Variants in FAM135B observed in about 807,000 individuals in gnomAD.
FAM135B encodes protein FAM135B.
In FAM135B, 43 loss-of-function variants were observed where a neutral mutation model predicts 127.7. The observed-to-expected ratio is 0.34, with a 90% CI of 0.26 to 0.43. The LOEUF (loss-of-function observed/expected upper bound fraction) is 0.43, where lower values mean the gene tolerates loss of function less well. Among genes scored for constraint, FAM135B ranks in the 20% least tolerant of loss-of-function variants. FAM135B has a pLI of 1.00. For synonymous variants in FAM135B, 670 were observed against 665.1 expected, an observed-to-expected ratio of 1.01 and a Z score of -0.11; for missense variants, 1,558 against 1,725.6, an observed-to-expected ratio of 0.90 and a Z score of 1.72.
At chr8:138,425,978 T>C (rs930903407) in intron 1 of FAM135B, among the ~76,000 whole-genome samples, 3 of 9,622 alleles carry the variant, frequency 3.1e-4, no homozygotes, top group African/African-American at 2.5e-3. Context: ...TATATATATA[T>C]ATATATATAT....
intron 4 of FAM135B, among the ~76,000 whole-genome samples, chr8:138,257,598 C>A (rs745643894): frequency 6.6e-6 from 1 of 152,042 alleles, no homozygotes; most frequent in Non-Finnish European, 1.5e-5. Context: ...GTTCTGCACA[C>A]CTGTGATAGG....
intron 18 of FAM135B, among the ~76,000 whole-genome samples, chr8:138,138,697 T>C (rs1308087195): frequency 6.6e-6 from 1 of 152,224 alleles, no homozygotes; most frequent in Non-Finnish European, 1.5e-5. Context: ...GCCTATGCAA[T>C]GAGAACATTG....
At chr8:138,291,346 T>G (rs1294287240) in intron 3 of FAM135B, among the ~76,000 whole-genome samples, 1 of 152,168 alleles carries the variant, frequency 6.6e-6, no homozygotes, top group Non-Finnish European at 1.5e-5. Flanking sequence ...AGGCATAAAA[T>G]GACCATCACA....
intron 7 of FAM135B, among the ~76,000 whole-genome samples, chr8:138,202,991 G>A (rs12543987): frequency 0.51 from 77,878 of 152,048 alleles, 19,993 homozygotes; most frequent in South Asian, 0.54. Context: ...CATAGGAAGT[G>A]CCAGTTTCCT....
chr8:138,260,710 C>T (rs1253097582), intron 4 of FAM135B, among the ~76,000 whole-genome samples: 1 of 152,152 alleles, frequency 6.6e-6, no homozygotes, highest in African/African-American at 2.4e-5. Context: ...TTTCCATTTA[C>T]ACAGTTACGA....
intron 5 of FAM135B, among the ~76,000 whole-genome samples, chr8:138,256,098 A>T (rs1370217270): frequency 6.6e-6 from 1 of 151,970 alleles, no homozygotes; most frequent in Non-Finnish European, 1.5e-5. Context: ...CTAAAAAAGG[A>T]TGACTTACTT....
chr8:138,469,201 CAGAA>C (rs992345240), intron 1 of FAM135B, among the ~76,000 whole-genome samples: 2 of 150,136 alleles, frequency 1.3e-5, no homozygotes, highest in African/African-American at 4.9e-5. Flanking sequence ...TTTAAAGTTT[CAGAA>C]AGAAAGGAAA....
intron 1 of FAM135B, among the ~76,000 whole-genome samples, chr8:138,399,885 C>A (rs1297335110): frequency 6.6e-6 from 1 of 152,150 alleles, no homozygotes. Context: ...TATGGAAATA[C>A]AACAAAAGCC....
At chr8:138,462,971 T>C (rs534840518) in intron 1 of FAM135B, among the ~76,000 whole-genome samples, 2 of 152,294 alleles carry the variant, frequency 1.3e-5, no homozygotes, top group South Asian at 4.1e-4. Context: ...GCTATTTACA[T>C]TACATTTTCA....
rs1818046881 is a variant in FAM135B, at chr8:138,210,397, T to G, written c.670-12728A>C. On this transcript the variant is annotated intron_variant, in intron 7 of 19. Coordinates refer to ENST00000395297, the MANE Select transcript of FAM135B (RefSeq NM_015912.4). ...CTTGATGGGTGTATTAGTTCGTTCT[T>G]GCATTGCTATAACAAACTCCCTGAG... Among the ~76,000 whole-genome samples, 3 of 152,148 alleles carry G rather than the reference T, an allele frequency of 2.0e-5. No individual in the cohort carries two copies. In the South Asian group the frequency reaches 6.2e-4, roughly 32 times the overall value.
At position 138,152,830 on chromosome 8, in the gene FAM135B, G is replaced by T. The variant is rs777072201; in HGVS notation, c.1645C>A (p.Pro549Thr). 6.2e-7 allele frequency: 1 copy of T among 1,614,124 alleles called. No individual in the cohort carries two copies. ...RSPGPEDGQA[P>T]VLTYIDVKSS... ...TTTACGTCAATGTAGGTCAGCACTG[G>T]GGCCTGTCCATCCTCTGGACCTGGA... Residue 549 changes from proline (P) to threonine (T), a missense_variant, in exon 13 of 20, where the codon CCA becomes ACA. Transcript: ENST00000395297.
intron 2 of FAM135B, among the ~76,000 whole-genome samples, chr8:138,334,295 C>T (rs1828396525): frequency 6.6e-6 from 1 of 152,210 alleles, no homozygotes; most frequent in Non-Finnish European, 1.5e-5. Flanking sequence ...CTTCTACATA[C>T]CCACATCGCT....
At chr8:138,278,502 G>T (rs1324886282) in intron 3 of FAM135B, among the ~76,000 whole-genome samples, 8 of 151,254 alleles carry the variant, frequency 5.3e-5, no homozygotes, top group Admixed American at 5.3e-4. Flanking sequence ...GACCACTGTG[G>T]TACTGGGGGA....
intron 1 of FAM135B, among the ~76,000 whole-genome samples, chr8:138,444,116 A>T (rs542527875): frequency 1.3e-5 from 2 of 152,350 alleles, no homozygotes; most frequent in African/African-American, 4.8e-5. Flanking sequence ...TTAAATACAT[A>T]TGCACCCAAT....
intron 1 of FAM135B, among the ~76,000 whole-genome samples, chr8:138,462,584 G>A (rs1283818753): frequency 6.6e-6 from 1 of 152,170 alleles, no homozygotes; most frequent in Admixed American, 6.5e-5. Context: ...GTAAATGCCA[G>A]GACAACTGAG....
chr8:138,323,264 C>T (rs1260406718), intron 2 of FAM135B, among the ~76,000 whole-genome samples: 1 of 152,152 alleles, frequency 6.6e-6, no homozygotes, highest in Non-Finnish European at 1.5e-5. Context: ...GCTCACTATC[C>T]CTAAACTTCT....
At chr8:138,362,104 T>C (rs777269789) in intron 2 of FAM135B, among the ~76,000 whole-genome samples, 11 of 152,112 alleles carry the variant, frequency 7.2e-5, no homozygotes, top group Non-Finnish European at 1.3e-4. Flanking sequence ...TCCTCAAGCG[T>C]ATTTATCCTT....
chr8:138,490,457 T>C (rs1377679708), intron 1 of FAM135B, among the ~76,000 whole-genome samples: 4 of 152,182 alleles, frequency 2.6e-5, no homozygotes, highest in Non-Finnish European at 5.9e-5. Context: ...GAAGAGGGCA[T>C]GCCTGGTTGG....
Position 138,132,274 on chromosome 8 carries a change from G to A in FAM135B, c.*319C>T, listed in dbSNP as rs535343536. On this transcript the variant is annotated 3_prime_UTR_variant, in exon 20 of 20. Coordinates refer to ENST00000395297, the MANE Select transcript of FAM135B (RefSeq NM_015912.4). This position sits in a 1 kb window ranked among gnomAD's most constrained non-coding sequence, Gnocchi z 4.5. ...TTAAATTGGAGTAATCTCTCAGTAA[G>A]CCAGTAGTGGCTAGCAAGGGGAGCT... The A allele has an allele frequency of 3.3e-6, 1 of 306,484 alleles. No individual in the cohort carries two copies. Among genetic ancestry groups the A allele is most frequent in the African/African-American group, 2.1e-5 (1 of 46,612 alleles). 19.0% of individuals were successfully genotyped at this position (306,484 alleles called of 1,614,324 possible).
Sources: gnomAD v4.1 joint callset for allele counts (sites outside exome capture counted in the v4.1 genomes callset) on GRCh38, gnomAD v4.1.1 for gene constraint, Gnocchi (gnomAD v3.1) non-coding constraint, MANE v1.5 for transcripts, NCBI Gene and HGNC (gene_info 2026-07-23, HGNC 2026-07-21) for gene names.